PTPRT: variants seen among roughly 807,000 people sequenced by gnomAD.
PTPRT encodes protein tyrosine phosphatase receptor type T.
A neutral mutation model predicts 176.8 loss-of-function variants in PTPRT; 56 were observed. The observed-to-expected ratio is 0.32, with a 90% CI of 0.26 to 0.40. PTPRT has a LOEUF of 0.40. PTPRT is among the 10% of genes least tolerant of loss of function. The probability of loss-of-function intolerance (pLI) is 1.00; values close to 1 mark genes in which losing one functional copy is unlikely to be tolerated. For missense variants in PTPRT, 1,540 were observed against 1,908.2 expected (o/e 0.81, Z 3.60); for synonymous variants, 783 against 739.0 (o/e 1.06, Z -0.96).
At chr20:42,499,616 T>C (rs230161) in intron 7 of PTPRT, among the ~76,000 whole-genome samples, 125,528 of 152,104 alleles carry the variant, frequency 0.83, 52,406 homozygotes, top group African/African-American at 0.96. Flanking sequence ...TAACAGATTT[T>C]AGAATATTTT....
At chr20:42,396,177 T>C (rs773952223) in intron 9 of PTPRT, among the ~76,000 whole-genome samples, 5 of 152,238 alleles carry the variant, frequency 3.3e-5, no homozygotes, top group Non-Finnish European at 4.4e-5. Context: ...TCTCAGTTAA[T>C]AGCAACTCCA....
chr20:42,287,960 C>T (rs900819531), intron 12 of PTPRT, among the ~76,000 whole-genome samples: 1 of 151,824 alleles, frequency 6.6e-6, no homozygotes, highest in Non-Finnish European at 1.5e-5. Flanking sequence ...CATGTAATAA[C>T]ATGGGATGAT....
chr20:42,868,840 G>T (rs1051338729), intron 2 of PTPRT, among the ~76,000 whole-genome samples: 1 of 152,198 alleles, frequency 6.6e-6, no homozygotes, highest in Non-Finnish European at 1.5e-5. Flanking sequence ...GGGATCTTGG[G>T]CACCCATGAG....
intron 1 of PTPRT, among the ~76,000 whole-genome samples, chr20:42,951,900 T>A (rs1442821816): frequency 6.6e-6 from 1 of 152,128 alleles, no homozygotes; most frequent in African/African-American, 2.4e-5. Flanking sequence ...CTATGAGGAA[T>A]AAATGAGATG....
intron 1 of PTPRT, among the ~76,000 whole-genome samples, chr20:42,902,136 T>A (rs2079413347): frequency 6.6e-6 from 1 of 152,216 alleles, no homozygotes; most frequent in South Asian, 2.1e-4. Context: ...TCCCAAAAGT[T>A]GCTACCACTA....
chr20:42,138,251 C>T (rs1988462399), intron 18 of PTPRT, among the ~76,000 whole-genome samples: 1 of 152,186 alleles, frequency 6.6e-6, no homozygotes, highest in Admixed American at 6.5e-5. Context: ...CTGGTTGGCC[C>T]CAGCCAATGG....
Position 43,051,819 on chromosome 20 carries a change from G to A in PTPRT, c.88+137827C>T, listed in dbSNP as rs190336505. On this transcript the variant is annotated intron_variant, in intron 1 of 30. Coordinates refer to ENST00000373187, the MANE Select transcript of PTPRT (RefSeq NM_007050.6). ...CCGTTAAAGGAAAAAACTATATAGC[G>A]AGGTAGATAAGTAAAATCCTATTTC... 2.2e-4 allele frequency among the ~76,000 whole-genome samples: 33 copies of A among 151,998 alleles called. No individual in the cohort carries two copies. In the East Asian group the frequency reaches 3.5e-3, roughly 16 times the overall value.
chr20:42,350,506 C>T, intron 11 of PTPRT, 122 bp downstream of exon 11: 1 of 848,840 alleles, frequency 1.2e-6, no homozygotes, highest in Non-Finnish European at 1.9e-6. Flanking sequence ...CCTCCTTCCT[C>T]CGAGGAAGCT....
chr20:42,966,538 T>A (rs1982304268), intron 1 of PTPRT: 1 of 152,160 alleles, frequency 6.6e-6, no homozygotes, highest in Non-Finnish European at 1.5e-5. Flanking sequence ...GGTCGCTGCA[T>A]CTGCAACAGA....
intron 9 of PTPRT, among the ~76,000 whole-genome samples, chr20:42,429,472 G>A (rs1323555294): frequency 6.6e-6 from 1 of 152,112 alleles, no homozygotes; most frequent in Non-Finnish European, 1.5e-5. Context: ...AGCTGCAGCA[G>A]TCAACACCCT....
Position 42,926,812 on chromosome 20 carries a change from A to C in PTPRT, c.89-40880T>G, listed in dbSNP as rs574422477. On this transcript the variant is annotated intron_variant, in intron 1 of 30. Transcript: ENST00000373187. The stretch of plus-strand genomic sequence containing the variant: ...TAAATAATACACGTCAAGCCTCAGC[A>C]AGGGGGCAGCCAGGCTTACAATGCA... Among the ~76,000 whole-genome samples, 4 of 152,312 alleles carry C rather than the reference A, an allele frequency of 2.6e-5. No homozygotes were observed. In the South Asian group the frequency reaches 8.3e-4, roughly 32 times the overall value.
chr20:42,288,565 G>A (rs2057268699), intron 12 of PTPRT, among the ~76,000 whole-genome samples: 1 of 151,814 alleles, frequency 6.6e-6, no homozygotes, highest in African/African-American at 2.4e-5. Flanking sequence ...CCATCTTTAT[G>A]TCCATGTGTA....
chr20:43,035,048 TA>T (rs1986319504), intron 1 of PTPRT, among the ~76,000 whole-genome samples: 1 of 152,052 alleles, frequency 6.6e-6, no homozygotes, highest in African/African-American at 2.4e-5. Context: ...CACAGCAGAA[TA>T]AACAGAGACA....
chr20:42,733,079 TACTTCCACCCTC>T (rs1439632972), intron 6 of PTPRT, among the ~76,000 whole-genome samples: 1 of 152,180 alleles, frequency 6.6e-6, no homozygotes, highest in East Asian at 1.9e-4. Flanking sequence ...AAAGGTGCTT[TACTTCCACCCTC>T]ACTTACTTCA....
intron 1 of PTPRT, among the ~76,000 whole-genome samples, chr20:42,953,600 T>C (rs1053665871): frequency 1.3e-5 from 2 of 152,160 alleles, no homozygotes. Flanking sequence ...ATAGAGTCTA[T>C]CACACTCCTA....
At chr20:42,875,802 C>G (rs559293754) in intron 2 of PTPRT, among the ~76,000 whole-genome samples, 1 of 152,214 alleles carries the variant, frequency 6.6e-6, no homozygotes, top group Non-Finnish European at 1.5e-5. Flanking sequence ...TCCAAGGGCA[C>G]GTCCTGCCTC....
At chr20:42,507,684 T>C (rs2071871762) in intron 7 of PTPRT, among the ~76,000 whole-genome samples, 1 of 152,122 alleles carries the variant, frequency 6.6e-6, no homozygotes, top group African/African-American at 2.4e-5. Flanking sequence ...TTTTGTTCCT[T>C]TCTCTCTAGA....
chr20:43,084,170 T>A (rs950667177), intron 1 of PTPRT, among the ~76,000 whole-genome samples: 15 of 152,226 alleles, frequency 9.9e-5, no homozygotes, highest in Non-Finnish European at 2.1e-4. Context: ...ATTTAACTCT[T>A]CTAAGTGACT....
chr20:42,353,058 A>G (rs1036943331), intron 9 of PTPRT, among the ~76,000 whole-genome samples: 1 of 152,212 alleles, frequency 6.6e-6, no homozygotes, highest in Non-Finnish European at 1.5e-5. Context: ...ACATTCTACT[A>G]TTCGTATGAA....
Sources: allele counts gnomAD v4.1 joint callset (sites outside exome capture counted in the v4.1 genomes callset), GRCh38; gene constraint gnomAD v4.1.1; transcripts MANE v1.5; gene names NCBI Gene and HGNC (gene_info 2026-07-23, HGNC 2026-07-21).